Variants in ANXA2 observed in about 807,000 individuals in gnomAD.
ANXA2 encodes the protein annexin A2.
ANXA2 carries 28 observed loss-of-function variants against 47.3 expected under a neutral mutation model. The observed-to-expected ratio is 0.59, with a 90% CI of 0.44 to 0.81. The LOEUF (loss-of-function observed/expected upper bound fraction) is 0.81, where lower values mean the gene tolerates loss of function less well. Ranked by LOEUF, ANXA2 falls within the 40% of genes least tolerant of loss-of-function variation. The probability of loss-of-function intolerance (pLI) is 0.00; values close to 1 mark genes in which losing one functional copy is unlikely to be tolerated. For missense variants in ANXA2, 384 were observed against 414.3 expected, an observed-to-expected ratio of 0.93 and a Z score of 0.64; for synonymous variants, 172 against 155.5, an observed-to-expected ratio of 1.11 and a Z score of -0.79.
At chr15:60,392,002 A>G (rs1235262278) in intron 1 of ANXA2, among the ~76,000 whole-genome samples, 1 of 152,176 alleles carries the variant, frequency 6.6e-6, no homozygotes, top group African/African-American at 2.4e-5. Flanking sequence ...ACTAGACAAC[A>G]TCATTAAAAT....
chr15:60,364,339 T>A, intron 4 of ANXA2, 90 bp downstream of exon 4: 1 of 1,019,404 alleles, frequency 9.8e-7, no homozygotes, highest in East Asian at 2.4e-5. Flanking sequence ...CTTTTGCGCA[T>A]GAGAGCCACA....
chr15:60,390,428 C>T (rs999800265), intron 1 of ANXA2: 17 of 517,794 alleles, frequency 3.3e-5, no homozygotes, highest in Non-Finnish European at 5.5e-5. Context: ...CAAGCACCAA[C>T]CCCACAAAAC....
At chr15:60,355,273 G>A (rs780905174) in intron 7 of ANXA2, among the ~76,000 whole-genome samples, 2 of 152,176 alleles carry the variant, frequency 1.3e-5, no homozygotes, top group African/African-American at 2.4e-5. Flanking sequence ...AGGTGGTAGC[G>A]AAGAGAGGAG....
intron 3 of ANXA2, among the ~76,000 whole-genome samples, chr15:60,371,025 T>C (rs568841858): frequency 6.6e-6 from 1 of 152,160 alleles, no homozygotes. Flanking sequence ...TCCAGGCAGA[T>C]TTTTTACAAT....
At chr15:60,376,138 G>A (rs558636233) in intron 3 of ANXA2, among the ~76,000 whole-genome samples, 75 of 152,284 alleles carry the variant, frequency 4.9e-4, no homozygotes, top group African/African-American at 1.7e-3. Flanking sequence ...AGCACTTTGG[G>A]AGGCTGAGGC....
At chr15:60,363,087 C>G (rs1378170360) in intron 4 of ANXA2, 1 of 137,308 alleles carries the variant, frequency 7.3e-6, no homozygotes, top group Non-Finnish European at 1.5e-5. Flanking sequence ...TGTGTGTACA[C>G]ACCCAAATGT....
At position 60,357,280 on chromosome 15, in the gene ANXA2, C is replaced by T. The variant is rs781069532; in HGVS notation, c.358-44G>A. The T allele has an allele frequency of 4.7e-6, 7 of 1,495,966 alleles. No individual in the cohort carries two copies. The Admixed American group carries it at 6.7e-5, about 14-fold the overall frequency. The allele number at this position is 1,495,966 out of a possible 1,614,324, so 92.7% of individuals were successfully genotyped here. The stretch of plus-strand genomic sequence containing the variant: ...GAACATCAGCAGGGAAATGCTTCCC[C>T]ACCATTAGCCTACTTCTCTGATCTC... On this transcript the variant is annotated intron_variant, in intron 5 of 12. Transcript: ENST00000451270.
Position 60,347,591 on chromosome 15 carries a change from G to A in ANXA2, c.*39C>T, listed in dbSNP as rs775141649. The stretch of plus-strand genomic sequence containing the variant: ...TTCTAGACCTGTTAGCTGGAAGCAT[G>A]GTGAGCACCATTTCTGGACGCTCAG... On this transcript the variant is annotated 3_prime_UTR_variant, in exon 13 of 13. Coordinates refer to ENST00000451270, the MANE Select transcript of ANXA2 (RefSeq NM_004039.3). 1.9e-6 allele frequency: 3 copies of A among 1,603,034 alleles called. No homozygotes were observed. The East Asian group carries it at 6.7e-5, about 36-fold the overall frequency.
intron 3 of ANXA2, among the ~76,000 whole-genome samples, chr15:60,379,330 C>G (rs2062824337): frequency 6.6e-6 from 1 of 151,950 alleles, no homozygotes; most frequent in Non-Finnish European, 1.5e-5. Flanking sequence ...CTAAGTGAAA[C>G]TCACTGAACA....
Position 60,352,417 on chromosome 15 carries a change from G to A in ANXA2, c.648C>T (p.Ile216=). Residue 216 remains isoleucine (I), a synonymous_variant, in exon 9 of 13, where the codon ATC becomes ATT. Transcript: ENST00000451270. This position sits in a 1 kb window ranked among gnomAD's most constrained non-coding sequence, Gnocchi z 4.2. ...GGTGGGGCACGCTCCGCTCGGTCAT[G>A]ATGCTGATCCACTTGGGAACATCAG... The part of the protein sequence containing the change: ...KGTDVPKWIS[I]MTERSVPHLQ... The A allele has an allele frequency of 6.2e-7, 1 of 1,613,832 alleles. No homozygotes were observed. Among genetic ancestry groups the A allele is most frequent in the South Asian group, 1.1e-5 (1 of 91,056 alleles).
intron 3 of ANXA2, among the ~76,000 whole-genome samples, chr15:60,380,337 AG>A (rs2140904517): frequency 6.6e-6 from 1 of 152,148 alleles, no homozygotes; most frequent in South Asian, 2.1e-4. Context: ...GTGGCTAATG[AG>A]TGAGTTGTGG....
intron 4 of ANXA2, 143 bp from the exon 5 acceptor site, chr15:60,361,197 G>T (rs2062507425): frequency 1.5e-6 from 1 of 652,740 alleles, no homozygotes; most frequent in Admixed American, 2.3e-5. Context: ...GCCCTCAACT[G>T]CATTCCCTTC....
chr15:60,382,374 G>A lies in ANXA2; in HGVS notation c.116C>T (p.Ala39Val). ...AYTNFDAERD[A>V]LNIETAIKTK... The stretch of plus-strand genomic sequence containing the variant: ...CTTGATGGCTGTTTCAATGTTCAAA[G>A]CATCCCGCTCAGCATCAAAGTTAGT... The change falls in exon 3 of 13, where the codon GCT (alanine) becomes GTT (valine). Residue 39 changes from alanine (A) to valine (V), a missense_variant. Ala to Val is a moderately conservative substitution (Grantham distance 64). Transcript: ENST00000451270. 2 of 1,613,940 alleles carry A rather than the reference G, an allele frequency of 1.2e-6. No homozygotes were observed. Among genetic ancestry groups the A allele is most frequent in the Non-Finnish European group, 1.7e-6 (2 of 1,179,868 alleles).
chr15:60,347,444 G>C lies in ANXA2; in HGVS notation c.*186C>G. Reference sequence around the variant, plus strand: ...ACTCCTTGGAATGTTCATTTCTTTGGCTTACAGGAGAGACTAGACAGGAAG... The same window carrying C: ...ACTCCTTGGAATGTTCATTTCTTTGCCTTACAGGAGAGACTAGACAGGAAG... On this transcript the variant is annotated 3_prime_UTR_variant, in exon 13 of 13. Coordinates refer to ENST00000451270, the MANE Select transcript of ANXA2 (RefSeq NM_004039.3). 1 of 611,578 alleles carries C rather than the reference G, an allele frequency of 1.6e-6. No homozygotes were observed. Among genetic ancestry groups the C allele is most frequent in the Admixed American group, 2.9e-5 (1 of 34,622 alleles). The allele number at this position is 611,578 out of a possible 1,614,324, so 37.9% of individuals were successfully genotyped here.
At chr15:60,361,977 T>C (rs1011167887) in intron 4 of ANXA2, among the ~76,000 whole-genome samples, 1 of 152,142 alleles carries the variant, frequency 6.6e-6, no homozygotes, top group African/African-American at 2.4e-5. Flanking sequence ...CTACAAAGCT[T>C]AGCCCCTACA....
At chr15:60,355,711 C>T in intron 7 of ANXA2, 9 of 624,180 alleles carry the variant, frequency 1.4e-5, no homozygotes, top group Non-Finnish European at 2.7e-5. Flanking sequence ...CTCCCAAAGT[C>T]CACTTGTCCA....
chr15:60,385,841 G>C, intron 2 of ANXA2, 187 bp downstream of exon 2: 1 of 520,472 alleles, frequency 1.9e-6, no homozygotes, highest in Non-Finnish European at 3.5e-6. Context: ...AAAGTTTCCA[G>C]TGCCATGATA....
At chr15:60,397,759 C>T in intron 1 of ANXA2, 184 bp downstream of exon 1, 1 of 957,326 alleles carries the variant, frequency 1.0e-6, no homozygotes, top group South Asian at 2.9e-5. Flanking sequence ...GCCCCAAACA[C>T]CTTGTCCCTG....
chr15:60,365,063 T>TTTTTTTTTTTTTG (rs1451543732), intron 3 of ANXA2, among the ~76,000 whole-genome samples: 1 of 147,668 alleles, frequency 6.8e-6, no homozygotes, highest in Non-Finnish European at 1.5e-5. Context: ...GTATTTTTAA[T>TTTTTTTTTTTTTG]AGCATAATTG....
Sources: allele counts gnomAD v4.1 joint callset (sites outside exome capture counted in the v4.1 genomes callset), GRCh38; gene constraint gnomAD v4.1.1; non-coding constraint Gnocchi (gnomAD v3.1); transcripts MANE v1.5; gene names NCBI Gene and HGNC (gene_info 2026-07-23, HGNC 2026-07-21).